The following ABCA4 variants were observed in gnomAD, a reference collection of about 807,000 sequenced individuals.
ABCA4 encodes retinal-specific phospholipid-transporting ATPase ABCA4.
In ABCA4, 196 loss-of-function variants were observed where a neutral mutation model predicts 263.7. The observed-to-expected ratio is 0.74, with a 90% CI of 0.66 to 0.84. ABCA4 has a LOEUF of 0.84. Ranked by LOEUF, ABCA4 falls within the 40% of genes least tolerant of loss-of-function variation. The pLI is 0.00. For synonymous variants in ABCA4, 1,133 were observed against 1,094.2 expected (o/e 1.04, Z -0.70); for missense variants, 2,792 against 2,855.1 (o/e 0.98, Z 0.50).
rs1660950001 is a variant in ABCA4 at position 94,055,460 on chromosome 1, C to T, written c.2383-145G>A. On this transcript the variant is annotated intron_variant, in intron 15 of 49. Coordinates refer to ENST00000370225, the MANE Select transcript of ABCA4 (RefSeq NM_000350.3). ...TAAGGTCAGCTCAGGAGGGTGAAGG[C>T]AGTCTTTCCCTTGACGGCCAGGGGG... 5.4e-6 allele frequency: 4 copies of T among 734,146 alleles called. No individual in the cohort carries two copies. In the East Asian group the frequency reaches 8.1e-5, roughly 15 times the overall value. 45.5% of individuals were successfully genotyped at this position (734,146 alleles called of 1,614,324 possible).
intron 31 of ABCA4, among the ~76,000 whole-genome samples, chr1:94,023,647 G>A (rs1016867745): frequency 6.6e-6 from 1 of 152,160 alleles, no homozygotes; most frequent in Non-Finnish European, 1.5e-5. Flanking sequence ...ATCATATCCC[G>A]CATGCTGGAC....
At chr1:93,993,303 T>C (rs368493917) in intron 49 of ABCA4, 61 bp from the exon 50 acceptor site, 15 of 1,611,570 alleles carry the variant, frequency 9.3e-6, no homozygotes, top group African/African-American at 8.0e-5. Context: ...TGTACTACTT[T>C]TAGATTTCAA....
intron 11 of ABCA4, among the ~76,000 whole-genome samples, chr1:94,070,635 G>A (rs1224504501): frequency 6.6e-6 from 1 of 152,172 alleles, no homozygotes; most frequent in African/African-American, 2.4e-5. Flanking sequence ...AGGTGCGGAG[G>A]CGTATAAACA....
Position 94,011,273 on chromosome 1 carries a change from T to G in ABCA4, c.5573A>C (p.Tyr1858Ser). The change falls in exon 39 of 50, where the codon TAT (tyrosine) becomes TCT (serine). Residue 1858 changes from tyrosine (Y) to serine (S), a missense_variant. Coordinates refer to ENST00000370225, the MANE Select transcript of ABCA4 (RefSeq NM_000350.3). ...CGGCTACCACCCACCAAACCGGGCA[T>G]AGACATCTGTCACAGCCTGGCTCAG... ...LALSQAVTDV[Y>S]ARFGEEHSAN... 6.2e-7 allele frequency: 1 copy of G among 1,613,938 alleles called. No homozygotes were observed. Among genetic ancestry groups the G allele is most frequent in the Non-Finnish European group, 8.5e-7 (1 of 1,179,956 alleles).
At chr1:94,067,756 C>T (rs1661308151) in intron 11 of ABCA4, among the ~76,000 whole-genome samples, 1 of 152,170 alleles carries the variant, frequency 6.6e-6, no homozygotes, top group East Asian at 1.9e-4. Flanking sequence ...TTGCTGAAGG[C>T]TTACTATACG....
rs747276412 is a variant in ABCA4 at position 94,008,248 on chromosome 1, A to G, written c.5885T>C (p.Val1962Ala). 2.5e-6 allele frequency: 4 copies of G among 1,614,018 alleles called. No individual in the cohort carries two copies. The African/African-American group carries it at 5.3e-5, about 22-fold the overall frequency. ...SPAVDRLCVG[V>A]RPGECFGLLG... is the part of the protein sequence containing the mutation. ...CAGAGTACCCACCTCTCCAGGGCGA[A>G]CTCCGACACACAGCCTGTCCACTGC... Residue 1962 changes from valine (V) to alanine (A), a missense_variant, in exon 42 of 50, where the codon GTT becomes GCT. Coordinates refer to ENST00000370225, the MANE Select transcript of ABCA4 (RefSeq NM_000350.3).
rs1202773299 is a variant in ABCA4, at chr1:94,063,216, T to C, written c.1656A>G (p.Val552=). The stretch of plus-strand genomic sequence containing the variant: ...TGGTCCAGGGATACATGTCAGGGAA[T>C]ACCACTCCGGCCCAGAACATGTTTT... ...LEENMFWAGV[V]FPDMYPWTSS... is the part of the protein sequence containing the mutation. The change falls in exon 12 of 50, where the codon GTA becomes GTG. Residue 552 remains valine, a synonymous_variant. Transcript: ENST00000370225. The C allele has an allele frequency of 1.2e-6, 2 of 1,613,980 alleles. No individual in the cohort carries two copies. Among genetic ancestry groups the C allele is most frequent in the Admixed American group, 1.7e-5 (1 of 59,998 alleles).
At chr1:94,086,611 C>G (rs1661833374) in intron 6 of ABCA4, among the ~76,000 whole-genome samples, 2 of 151,952 alleles carry the variant, frequency 1.3e-5, no homozygotes, top group African/African-American at 2.4e-5. Context: ...GCAAAACTGT[C>G]TCTGCAAACT....
At chr1:94,087,690 C>T (rs1406106321) in intron 6 of ABCA4, among the ~76,000 whole-genome samples, 2 of 152,194 alleles carry the variant, frequency 1.3e-5, no homozygotes, top group Admixed American at 6.5e-5. Context: ...TTGGAGGACC[C>T]AGCTCCAGAC....
chr1:94,081,105 C>G (rs775585055), intron 7 of ABCA4, among the ~76,000 whole-genome samples: 1 of 152,068 alleles, frequency 6.6e-6, no homozygotes, highest in Non-Finnish European at 1.5e-5. Flanking sequence ...GGCCCCTGTA[C>G]TCCCAGCTAT....
intron 3 of ABCA4, among the ~76,000 whole-genome samples, chr1:94,110,267 G>A (rs1421669593): frequency 6.6e-6 from 1 of 152,198 alleles, no homozygotes; most frequent in Admixed American, 6.5e-5. Context: ...CAGGCTTACA[G>A]ATCATACAGT....
At chr1:94,001,324 C>T (rs999088667) in intron 45 of ABCA4, among the ~76,000 whole-genome samples, 3 of 152,230 alleles carry the variant, frequency 2.0e-5, no homozygotes. Flanking sequence ...GGGCCCATTT[C>T]AGCCCACGAG....
chr1:94,105,690 C>T (rs1031428575), intron 4 of ABCA4, among the ~76,000 whole-genome samples: 7 of 151,948 alleles, frequency 4.6e-5, no homozygotes, highest in Admixed American at 2.6e-4. Context: ...AGGAGGCTCC[C>T]GGGAAGAAGG....
rs373181448 is a variant in ABCA4 at position 94,029,606 on chromosome 1, G to T, written c.4378C>A (p.Pro1460Thr). 3 of 1,613,796 alleles carry T rather than the reference G, an allele frequency of 1.9e-6. No homozygotes were observed. Among genetic ancestry groups the T allele is most frequent in the Non-Finnish European group, 2.5e-6 (3 of 1,179,932 alleles). ...GGGGACACAGAAGGAGTCTTCCAGGGTGTTGAGTTGCCACAGGGGTACTCC... is the reference window on the plus strand; with the variant it reads ...GGGGACACAGAAGGAGTCTTCCAGGTTGTTGAGTTGCCACAGGGGTACTCC... The part of the protein sequence containing the change: ...LPEYPCGNST[P>T]WKTPSVSPNI... Residue 1460 changes from proline (P) to threonine (T), a missense_variant, in exon 30 of 50, where the codon CCC becomes ACC. Physicochemically the swap from Pro to Thr is conservative, Grantham distance 38. Coordinates refer to ENST00000370225, the MANE Select transcript of ABCA4 (RefSeq NM_000350.3).
intron 4 of ABCA4, among the ~76,000 whole-genome samples, chr1:94,103,930 GAACACCT>G: frequency 1.3e-5 from 2 of 152,304 alleles, no homozygotes; most frequent in East Asian, 3.9e-4. Context: ...GAGGCATAAA[GAACACCT>G]AACAGTTAAG....
At chr1:94,118,939 C>A (rs1662874528) in intron 1 of ABCA4, among the ~76,000 whole-genome samples, 1 of 152,204 alleles carries the variant, frequency 6.6e-6, no homozygotes, top group African/African-American at 2.4e-5. Context: ...ATGTGACCCC[C>A]TTTGAGGGTC....
chr1:94,066,129 G>C (rs1162038674), intron 11 of ABCA4, among the ~76,000 whole-genome samples: 1 of 152,210 alleles, frequency 6.6e-6, no homozygotes, highest in Non-Finnish European at 1.5e-5. Flanking sequence ...TGTTGAGGGT[G>C]GGGGTAGGTG....
chr1:94,011,516 A>T (rs1659547689), intron 38 of ABCA4, 131 bp from the exon 39 acceptor site: 1 of 1,427,746 alleles, frequency 7.0e-7, no homozygotes, highest in Admixed American at 1.8e-5. Flanking sequence ...TTGCAGCCAG[A>T]CTGGCCACTG....
intron 26 of ABCA4, among the ~76,000 whole-genome samples, chr1:94,033,436 A>G (rs1660258440): frequency 6.6e-6 from 1 of 151,316 alleles, no homozygotes; most frequent in African/African-American, 2.4e-5. Context: ...AAAAAAAAAA[A>G]AGAAAAAAAA....
Sources: allele counts gnomAD v4.1 joint callset (sites outside exome capture counted in the v4.1 genomes callset), GRCh38; gene constraint gnomAD v4.1.1; transcripts MANE v1.5; gene names NCBI Gene and HGNC (gene_info 2026-07-23, HGNC 2026-07-21).